The following TMEM232 variants were observed in gnomAD, a reference collection of about 807,000 sequenced individuals.
TMEM232 encodes the protein transmembrane protein 232.
Under a neutral mutation model 78.8 loss-of-function variants are expected in TMEM232, and 80 were observed. The observed-to-expected ratio is 1.01, with a 90% confidence interval of 0.85 to 1.22. The LOEUF is 1.22. Among genes scored for constraint, TMEM232 ranks in the 50% most tolerant of loss-of-function variants. The probability of loss-of-function intolerance (pLI) is 0.00; values close to 1 mark genes in which losing one functional copy is unlikely to be tolerated. For missense variants in TMEM232, 881 were observed against 742.2 expected, an observed-to-expected ratio of 1.19 and a Z score of -2.17; for synonymous variants, 297 against 254.3, an observed-to-expected ratio of 1.17 and a Z score of -1.60.
intron 2 of TMEM232, among the ~76,000 whole-genome samples, chr5:110,646,696 C>G (rs537294476): frequency 6.6e-6 from 1 of 151,760 alleles, no homozygotes; most frequent in Non-Finnish European, 1.5e-5. Flanking sequence ...GGGATTGCAT[C>G]AAACTAAAAA....
chr5:110,722,204 C>T (rs1797716823), intron 1 of TMEM232, among the ~76,000 whole-genome samples: 1 of 152,064 alleles, frequency 6.6e-6, no homozygotes, highest in Admixed American at 6.6e-5. Context: ...AAAATAAACT[C>T]ACAAAAGGCT....
intron 2 of TMEM232, among the ~76,000 whole-genome samples, chr5:110,654,832 G>A (rs2150074419): frequency 6.6e-6 from 1 of 152,184 alleles, no homozygotes; most frequent in South Asian, 2.1e-4. Flanking sequence ...ATTGAGCAGC[G>A]GTTTGTAGTT....
intron 1 of TMEM232, among the ~76,000 whole-genome samples, chr5:110,693,670 T>C (rs550009295): frequency 1.4e-4 from 21 of 152,264 alleles, no homozygotes; most frequent in Non-Finnish European, 1.5e-5. Context: ...CAAGCCTCAG[T>C]AGCCGATGTG....
chr5:110,726,108 T>TCACACACACACA (rs3985014), intron 1 of TMEM232, among the ~76,000 whole-genome samples: 1,557 of 144,620 alleles, frequency 0.011, 7 homozygotes, highest in African/African-American at 0.017. Context: ...CCTCTCTCTT[T>TCACACACACACA]CACACACACA....
chr5:110,645,046 C>A (rs1787288660), intron 2 of TMEM232, among the ~76,000 whole-genome samples: 1 of 151,286 alleles, frequency 6.6e-6, no homozygotes, highest in Admixed American at 6.6e-5. Context: ...AAATAGAAAG[C>A]CTAAACACAC....
At chr5:110,514,631 A>T (rs1768329184) in intron 12 of TMEM232, among the ~76,000 whole-genome samples, 1 of 152,182 alleles carries the variant, frequency 6.6e-6, no homozygotes, top group Non-Finnish European at 1.5e-5. Context: ...TAAAATAAGC[A>T]TATTTCACAT....
chr5:110,481,535 C>T (rs1050687559), intron 12 of TMEM232, among the ~76,000 whole-genome samples: 2 of 152,106 alleles, frequency 1.3e-5, no homozygotes, highest in African/African-American at 4.8e-5. Flanking sequence ...CGCACACACA[C>T]ATAAACCACA....
chr5:110,421,420 T>C (rs115582426), intron 13 of TMEM232, among the ~76,000 whole-genome samples: 3 of 151,278 alleles, frequency 2.0e-5, no homozygotes, highest in Admixed American at 6.6e-5. Flanking sequence ...ATGAAAAATA[T>C]ATATATATAT....
At chr5:110,732,608 A>C (rs571782717) in intron 2 of TMEM232, among the ~76,000 whole-genome samples, 1 of 152,306 alleles carries the variant, frequency 6.6e-6, no homozygotes, top group South Asian at 2.1e-4. Context: ...TATCAAGAGA[A>C]TAGCATGGGA....
At chr5:110,473,872 G>A (rs1483473488) in intron 12 of TMEM232, among the ~76,000 whole-genome samples, 1 of 90,226 alleles carries the variant, frequency 1.1e-5, no homozygotes, top group East Asian at 4.0e-4. Context: ...ATTCTGTTAA[G>A]TGAAATAAGC....
chr5:110,503,185 A>G (rs1333842289), intron 12 of TMEM232, among the ~76,000 whole-genome samples: 2 of 152,308 alleles, frequency 1.3e-5, no homozygotes, highest in Admixed American at 6.5e-5. Flanking sequence ...TCCAATGTCA[A>G]TTTGTTTTCT....
chr5:110,534,469 G>A (rs963015719), intron 11 of TMEM232, among the ~76,000 whole-genome samples: 17 of 152,090 alleles, frequency 1.1e-4, no homozygotes, highest in African/African-American at 4.1e-4. Context: ...ACAAAGTACA[G>A]CCCATTTAAG....
chr5:110,426,279 T>TGTGA (rs1474946239), intron 12 of TMEM232, among the ~76,000 whole-genome samples: 4 of 152,032 alleles, frequency 2.6e-5, no homozygotes, highest in African/African-American at 4.8e-5. Context: ...CATGTCCCTG[T>TGTGA]GTGAGTTTTA....
At chr5:110,616,598 C>A (rs906766522) in intron 8 of TMEM232, among the ~76,000 whole-genome samples, 1 of 151,830 alleles carries the variant, frequency 6.6e-6, no homozygotes, top group African/African-American at 2.4e-5. Flanking sequence ...ACTGAAACAA[C>A]TTAATAACAA....
chr5:110,413,249 G>C lies in TMEM232; in HGVS notation n.308+11574C>G, dbSNP rs144862420. Among the ~76,000 whole-genome samples the C allele has an allele frequency of 3.9e-3, 587 of 152,252 alleles. 4 individuals are homozygous for C. The highest frequency in any genetic ancestry group is 0.013 in the African/African-American group (538 of 41,554). On this transcript the variant is annotated intron_variant and non_coding_transcript_variant, in intron 2 of 8. Transcript: ENST00000507188. The stretch of plus-strand genomic sequence containing the variant: ...CTTGCCTCCATGTTTCTCCCGTGCT[G>C]GATGCTTCCTGCCCTTGAACATTGG...
chr5:110,654,941 C>T (rs1788825214), intron 2 of TMEM232, among the ~76,000 whole-genome samples: 1 of 152,054 alleles, frequency 6.6e-6, no homozygotes, highest in Admixed American at 6.6e-5. Flanking sequence ...ACCTAAAAAC[C>T]ATAAAATCCC....
chr5:110,679,528 G>A (rs923588755), intron 1 of TMEM232, among the ~76,000 whole-genome samples: 3 of 152,052 alleles, frequency 2.0e-5, no homozygotes, highest in African/African-American at 7.2e-5. Flanking sequence ...GAAATTTAAT[G>A]AAGTCGACCT....
At chr5:110,676,443 T>A (rs912541532) in intron 1 of TMEM232, among the ~76,000 whole-genome samples, 1 of 151,826 alleles carries the variant, frequency 6.6e-6, no homozygotes, top group South Asian at 2.1e-4. Context: ...TCACCCAGGC[T>A]GGAGTGCACT....
Position 110,706,781 on chromosome 5 carries a change from G to A in TMEM232, c.-13+19846C>T, listed in dbSNP as rs75345718. Among the ~76,000 whole-genome samples the A allele has an allele frequency of 2.0e-5, 3 of 152,076 alleles. No individual in the cohort carries two copies. The East Asian group carries it at 5.8e-4, about 29-fold the overall frequency. ...TGCAGTGATTATCTCATTTCTCTGT[G>A]AAATGAAAAGACACCAGCATAGGAT... On this transcript the variant is annotated intron_variant, in intron 1 of 13. Transcript: ENST00000455884.
Sources: gnomAD v4.1 joint callset for allele counts (sites outside exome capture counted in the v4.1 genomes callset) on GRCh38, gnomAD v4.1.1 for gene constraint, MANE v1.5 for transcripts, NCBI Gene and HGNC (gene_info 2026-07-23, HGNC 2026-07-21) for gene names.